POLA1: variants seen among roughly 807,000 people sequenced by gnomAD.
POLA1 encodes the protein DNA polymerase alpha catalytic subunit.
A neutral mutation model predicts 124.0 loss-of-function variants in POLA1; 15 were observed. That is an observed-to-expected ratio of 0.12 (90% CI 0.08 to 0.19). POLA1 has a LOEUF of 0.19. Ranked by LOEUF, POLA1 falls within the 10% of genes least tolerant of loss-of-function variation. The pLI is 1.00. For missense variants in POLA1, 886 were observed against 1,103.4 expected, an observed-to-expected ratio of 0.80 and a Z score of 2.79; for synonymous variants, 408 against 389.4, an observed-to-expected ratio of 1.05 and a Z score of -0.56.
Position 24,821,379 on chromosome X carries a change from G to A in POLA1, c.3430-73G>A, listed in dbSNP as rs2046084771. ...ATGTGGCTAGTATGATTCTAGCAAA[G>A]ATGTTTTTAGTGTATATCTGTGTAA... On this transcript the variant is annotated intron_variant, in intron 30 of 36. Transcript: ENST00000379068. 5 of 809,491 alleles carry A rather than the reference G, an allele frequency of 6.2e-6. No individual in the cohort carries two copies. In the South Asian group the frequency reaches 1.8e-4, roughly 30 times the overall value. The allele number at this position is 809,491 out of a possible 1,213,427, so 66.7% of individuals were successfully genotyped here.
Position 24,995,736 on chromosome X carries a change from C to G in POLA1, c.4262-69C>G. ...ACAAATGGAATCAGCATCCCCTTCTCTGGTGGAATACTGAATGTTCTTTAA... is the reference window on the plus strand; with the variant it reads ...ACAAATGGAATCAGCATCCCCTTCTGTGGTGGAATACTGAATGTTCTTTAA... On this transcript the variant is annotated intron_variant, in intron 36 of 36. Coordinates refer to ENST00000379068, the MANE Select transcript of POLA1 (RefSeq NM_001330360.2). 5.2e-6 allele frequency: 5 copies of G among 952,566 alleles called. 1 individual carries two copies. The Middle Eastern group carries it at 8.1e-4, about 155-fold the overall frequency. 78.5% of individuals were successfully genotyped at this position (952,566 alleles called of 1,213,427 possible). A position where few individuals can be genotyped will look rare whatever the true frequency, so the allele number is the denominator to read the frequency against.
chrX:24,989,353 C>G lies in POLA1; in HGVS notation c.4262-6452C>G, dbSNP rs1380666373. Among the ~76,000 whole-genome samples the G allele has an allele frequency of 2.0e-4, 22 of 111,641 alleles. No individual in the cohort carries two copies. The Admixed American group carries it at 2.1e-3, about 11-fold the overall frequency. Reference sequence around the variant, plus strand: ...TGACTCTGTCCCAACCCCCTAACCCCCCTGAGCACCACTGACCTGGGACTG... The same window carrying G: ...TGACTCTGTCCCAACCCCCTAACCCGCCTGAGCACCACTGACCTGGGACTG... On this transcript the variant is annotated intron_variant, in intron 36 of 36. Transcript: ENST00000379068.
intron 35 of POLA1, among the ~76,000 whole-genome samples, chrX:24,895,625 A>C (rs776084567): frequency 3.3e-4 from 37 of 112,291 alleles, no homozygotes; most frequent in African/African-American, 1.1e-3. Flanking sequence ...TATGCAACAG[A>C]GACCTTCCAA....
Position 24,693,969 on chromosome X carries a change from C to T in POLA1, c.8C>T (p.Pro3Leu), listed in dbSNP as rs772498262. 33 of 1,194,244 alleles carry T rather than the reference C, an allele frequency of 2.8e-5. No homozygotes were observed. The highest frequency in any genetic ancestry group is 3.6e-5 in the Non-Finnish European group (32 of 886,701). ...ATCGGGAGATTCGGGACCATGGCAC[C>T]TGTGCACGGCGACGACTGTGAGATA... is the stretch of plus-strand genomic sequence containing the variant. MA[P>L]VHGDDCEIGA... The change falls in exon 1 of 37, where the codon CCT (proline) becomes CTT (leucine). Residue 3 changes from proline to leucine, a missense_variant. Coordinates refer to ENST00000379068, the MANE Select transcript of POLA1 (RefSeq NM_001330360.2).
intron 26 of POLA1, among the ~76,000 whole-genome samples, chrX:24,800,799 G>A (rs2045692369): frequency 8.9e-6 from 1 of 112,071 alleles, no homozygotes; most frequent in African/African-American, 3.2e-5. Context: ...TATAAGACAC[G>A]TTATAAGACA....
chrX:24,982,658 A>G (rs1440431304), intron 36 of POLA1, among the ~76,000 whole-genome samples: 2 of 110,130 alleles, frequency 1.8e-5, no homozygotes, highest in Non-Finnish European at 3.8e-5. Context: ...TCTTCTTTTT[A>G]TCTTCACTTT....
intron 26 of POLA1, among the ~76,000 whole-genome samples, chrX:24,789,374 G>A (rs971956974): frequency 9.0e-6 from 1 of 110,803 alleles, no homozygotes. Context: ...TAAACTATCC[G>A]AAAAAAGATA....
intron 4 of POLA1, among the ~76,000 whole-genome samples, chrX:24,710,587 G>T (rs1206641312): frequency 9.1e-6 from 1 of 109,654 alleles, no homozygotes; most frequent in African/African-American, 3.3e-5. Flanking sequence ...GAACATTTGT[G>T]TACAAGTTTT....
chrX:24,805,743 T>G (rs2045785961), intron 26 of POLA1, among the ~76,000 whole-genome samples: 1 of 111,731 alleles, frequency 9.0e-6, no homozygotes, highest in Non-Finnish European at 1.9e-5. Context: ...TAGATAAATA[T>G]GCAGGTGTTG....
At chrX:24,952,367 G>A (rs192156105) in intron 36 of POLA1, among the ~76,000 whole-genome samples, 1 of 111,973 alleles carries the variant, frequency 8.9e-6, no homozygotes, top group Admixed American at 9.5e-5. Context: ...GTAGCACAAA[G>A]AAGGCTGGTT....
intron 26 of POLA1, among the ~76,000 whole-genome samples, chrX:24,790,492 C>T (rs780441740): frequency 9.0e-6 from 1 of 111,451 alleles, no homozygotes; most frequent in South Asian, 3.8e-4. Flanking sequence ...TGACACTGTT[C>T]GTTGCCTTTC....
chrX:24,976,483 A>G (rs192704300), intron 36 of POLA1, among the ~76,000 whole-genome samples: 1 of 112,183 alleles, frequency 8.9e-6, no homozygotes, highest in African/African-American at 3.2e-5. Flanking sequence ...TCTCATTCTC[A>G]TAATTCACAA....
chrX:24,895,994 C>G (rs2047201856), intron 35 of POLA1, among the ~76,000 whole-genome samples: 5 of 111,725 alleles, frequency 4.5e-5, no homozygotes, highest in African/African-American at 1.6e-4. Context: ...ACAAATTTTC[C>G]ACACTCCATT....
intron 26 of POLA1, among the ~76,000 whole-genome samples, chrX:24,761,860 A>G (rs1036444304): frequency 6.2e-5 from 7 of 112,061 alleles, no homozygotes; most frequent in African/African-American, 2.3e-4. Context: ...CTGCCTTGAG[A>G]GGAAAGCCTT....
chrX:24,703,305 C>A lies in POLA1; in HGVS notation c.223C>A (p.Leu75Met). ...EEVDEEQYSKLVQARQDDDWI... is the reference protein window; with the variant it reads ...EEVDEEQYSKMVQARQDDDWI... ...AGTTGATGAAGAACAGTATTCGAAG[C>A]TGGTTCAGGCACGCCAGGATGATGA... Residue 75 changes from leucine to methionine, a missense_variant, in exon 3 of 37, where the codon CTG becomes ATG. By Grantham distance (15) the Leu-to-Met change is conservative. Coordinates refer to ENST00000379068, the MANE Select transcript of POLA1 (RefSeq NM_001330360.2). 8.3e-7 allele frequency: 1 copy of A among 1,205,152 alleles called. No individual in the cohort carries two copies. The highest frequency in any genetic ancestry group is 1.1e-6 in the Non-Finnish European group (1 of 890,918).
rs1360057155 is a variant in POLA1, at chrX:24,996,744, A to T, written c.*794A>T. 1 of 112,129 alleles carries T rather than the reference A, an allele frequency of 8.9e-6. No individual in the cohort carries two copies. The highest frequency in any genetic ancestry group is 9.5e-5 in the Admixed American group (1 of 10,554). 9.2% of individuals were successfully genotyped at this position (112,129 alleles called of 1,213,427 possible). A position where few individuals can be genotyped will look rare whatever the true frequency, so the allele number is the denominator to read the frequency against. Reference sequence around the variant, plus strand: ...CAGAAAAACGGGGAGAGGGATGCTTAATTGGCCCTGGCGCTTGCTATTTTT... The same window carrying T: ...CAGAAAAACGGGGAGAGGGATGCTTTATTGGCCCTGGCGCTTGCTATTTTT... On this transcript the variant is annotated 3_prime_UTR_variant, in exon 37 of 37. Transcript: ENST00000379068.
At chrX:24,845,821 TTGTTTGTG>T (rs2046470161) in intron 34 of POLA1, among the ~76,000 whole-genome samples, 1 of 112,051 alleles carries the variant, frequency 8.9e-6, no homozygotes, top group Non-Finnish European at 1.9e-5. Flanking sequence ...GACATAAAAG[TTGTTTGTG>T]AAATGAAGGC....
At chrX:24,844,777 G>C (rs1015176812) in intron 34 of POLA1, among the ~76,000 whole-genome samples, 2 of 111,900 alleles carry the variant, frequency 1.8e-5, no homozygotes, top group African/African-American at 6.5e-5. Context: ...GAATAATCCT[G>C]TGCTGCCCTT....
At chrX:24,978,364 T>C (rs2048388454) in intron 36 of POLA1, among the ~76,000 whole-genome samples, 1 of 112,182 alleles carries the variant, frequency 8.9e-6, no homozygotes, top group Admixed American at 9.4e-5. Context: ...TGGTACAATG[T>C]ACCAGATGTT....
Sources: gnomAD v4.1 joint callset for allele counts (sites outside exome capture counted in the v4.1 genomes callset) on GRCh38, gnomAD v4.1.1 for gene constraint, MANE v1.5 for transcripts, NCBI Gene and HGNC (gene_info 2026-07-23, HGNC 2026-07-21) for gene names.